Variants in FBXO32 observed in about 807,000 individuals in gnomAD.
FBXO32 encodes the protein F-box only protein 32.
FBXO32 carries 15 observed loss-of-function variants against 48.3 expected under a neutral mutation model. That is an observed-to-expected ratio of 0.31 (90% confidence interval 0.21 to 0.48). FBXO32 has a LOEUF of 0.48. Ranked by LOEUF, FBXO32 falls within the 20% of genes least tolerant of loss-of-function variation. The pLI, the probability that FBXO32 is intolerant of heterozygous loss-of-function variation, is 0.99. For missense variants in FBXO32, 309 were observed against 432.7 expected (o/e 0.71, Z 2.54); for synonymous variants, 154 against 165.9 (o/e 0.93, Z 0.55).
At chr8:123,514,848 T>C (rs546983018) in intron 4 of FBXO32, among the ~76,000 whole-genome samples, 2 of 152,376 alleles carry the variant, frequency 1.3e-5, no homozygotes, top group African/African-American at 4.8e-5. Flanking sequence ...TCAATAAACA[T>C]GTCTATTAAT....
chr8:123,531,207 C>T (rs1444029083), intron 4 of FBXO32, among the ~76,000 whole-genome samples: 1 of 151,986 alleles, frequency 6.6e-6, no homozygotes, highest in African/African-American at 2.4e-5. Flanking sequence ...GTCTCAAACT[C>T]CTGACCTCAG....
chr8:123,540,822 A>C lies in FBXO32; in HGVS notation c.116+77T>G. 1 of 1,261,788 alleles carries C rather than the reference A, an allele frequency of 7.9e-7. No homozygotes were observed. The highest frequency in any genetic ancestry group is 1.1e-6 in the Non-Finnish European group (1 of 887,972). The allele number at this position is 1,261,788 out of a possible 1,614,324, so 78.2% of individuals were successfully genotyped here. A position where few individuals can be genotyped will look rare whatever the true frequency, so the allele number is the denominator to read the frequency against. ...CCCGCTCCAGCCCTGCCTGCCCCTC[A>C]TTCGCCGTCCCTGCGCCCCCCAGAC... is the stretch of plus-strand genomic sequence containing the variant. On this transcript the variant is annotated intron_variant, in intron 1 of 8. Coordinates refer to ENST00000517956, the MANE Select transcript of FBXO32 (RefSeq NM_058229.4). This position sits in a 1 kb window ranked among gnomAD's most constrained non-coding sequence, Gnocchi z 6.4.
intron 6 of FBXO32, among the ~76,000 whole-genome samples, chr8:123,507,718 G>T (rs1563919780): frequency 6.6e-6 from 1 of 151,884 alleles, no homozygotes; most frequent in African/African-American, 2.4e-5. Context: ...ACCCTGCCCA[G>T]ATCTACATCC....
rs369906570 is a variant in FBXO32 at position 123,504,640 on chromosome 8, A to T, written c.942T>A (p.Leu314=). 1.2e-5 allele frequency: 19 copies of T among 1,613,864 alleles called. No homozygotes were observed. The highest frequency in any genetic ancestry group is 1.4e-5 in the Non-Finnish European group (17 of 1,179,962). The change falls in exon 8 of 9, where the codon CTT becomes CTA. Residue 314 remains leucine, a synonymous_variant. Transcript: ENST00000517956. The part of the protein sequence containing the change: ...YPRKEQYGDT[L]QLCKHCHILS... ...GGATGTGACAGTGTTTGCAGAGCTG[A>T]AGGGTATCTCCATACTGCTCTTTCC... is the stretch of plus-strand genomic sequence containing the variant.
chr8:123,527,462 C>G (rs749451431), intron 4 of FBXO32, among the ~76,000 whole-genome samples: 2 of 152,078 alleles, frequency 1.3e-5, no homozygotes, highest in African/African-American at 4.8e-5. Context: ...CACTAAGGAC[C>G]AGGGGAACGG....
chr8:123,533,330 AGTTTTG>A lies in FBXO32; in HGVS notation c.230-96_230-91del. The A allele has an allele frequency of 7.0e-6, 8 of 1,139,064 alleles. No homozygotes were observed. The Admixed American group carries it at 1.3e-4, about 18-fold the overall frequency. The allele number at this position is 1,139,064 out of a possible 1,614,324, so 70.6% of individuals were successfully genotyped here. On this transcript the variant is annotated intron_variant, in intron 2 of 8. Transcript: ENST00000517956. ...ATTTCATTTATTCCAAAGTTTTAAA[AGTTTTG>A]ACAAAAAAGATAAGGAGTCTACTGA...
At position 123,506,650 on chromosome 8, in the gene FBXO32, A is replaced by G; in HGVS notation, c.652-76T>C. 4 of 1,306,942 alleles carry G rather than the reference A, an allele frequency of 3.1e-6. No individual in the cohort carries two copies. The highest frequency in any genetic ancestry group is 3.2e-6 in the Non-Finnish European group (3 of 942,312). The allele number at this position is 1,306,942 out of a possible 1,614,324, so 81.0% of individuals were successfully genotyped here. A position where few individuals can be genotyped will look rare whatever the true frequency, so the allele number is the denominator to read the frequency against. The stretch of plus-strand genomic sequence containing the variant: ...ACCAGGCCACACCCTCCAGGCATGC[A>G]GCTGTGCCCGTCCTCCACCCTCAAG... On this transcript the variant is annotated intron_variant, in intron 6 of 8. Coordinates refer to ENST00000517956, the MANE Select transcript of FBXO32 (RefSeq NM_058229.4). This position sits in a 1 kb window ranked among gnomAD's most constrained non-coding sequence, Gnocchi z 4.0.
intron 4 of FBXO32, among the ~76,000 whole-genome samples, chr8:123,519,316 G>C (rs889315710): frequency 6.6e-6 from 1 of 152,150 alleles, no homozygotes; most frequent in African/African-American, 2.4e-5. Flanking sequence ...CACTTGGGGA[G>C]ACTGAGGCAG....
chr8:123,512,952 A>G (rs2385270), intron 6 of FBXO32, among the ~76,000 whole-genome samples: 14,182 of 152,220 alleles, frequency 0.093, 902 homozygotes, highest in Admixed American at 0.21. Flanking sequence ...CCAAGTTTCC[A>G]GCTTTCCCAT....
In FBXO32 at chr8:123,498,814, C is replaced by A. The variant is rs879390878; in HGVS notation, c.*4559G>T. 6.6e-6 allele frequency: 1 copy of A among 152,150 alleles called. No homozygotes were observed. Among genetic ancestry groups the A allele is most frequent in the Non-Finnish European group, 1.5e-5 (1 of 68,028 alleles). The allele number at this position is 152,150 out of a possible 1,614,324, so 9.4% of individuals were successfully genotyped here. A position where few individuals can be genotyped will look rare whatever the true frequency, so the allele number is the denominator to read the frequency against. On this transcript the variant is annotated 3_prime_UTR_variant, in exon 9 of 9. Transcript: ENST00000517956. ...TAAAATTGTCAAAATATGCTGCTTT[C>A]TTTATAGCAAGCAGGTTGTACTCAC...
At chr8:123,527,009 T>A (rs888286782) in intron 4 of FBXO32, 11 of 152,218 alleles carry the variant, frequency 7.2e-5, no homozygotes, top group Non-Finnish European at 1.5e-4. Flanking sequence ...TGTGTTCCAA[T>A]AAAACTTTAT....
At chr8:123,521,213 C>G in intron 4 of FBXO32, among the ~76,000 whole-genome samples, 1 of 151,844 alleles carries the variant, frequency 6.6e-6, no homozygotes, top group Non-Finnish European at 1.5e-5. Context: ...GTTTCCCACT[C>G]TACCCCCAGC....
intron 6 of FBXO32, among the ~76,000 whole-genome samples, chr8:123,510,482 G>A (rs1294855487): frequency 2.6e-5 from 4 of 152,110 alleles, no homozygotes; most frequent in Admixed American, 2.6e-4. Flanking sequence ...GTGTGGTGGT[G>A]CATGCCTGTA....
chr8:123,504,051 A>G (rs1419925521), intron 8 of FBXO32, among the ~76,000 whole-genome samples: 3 of 150,788 alleles, frequency 2.0e-5, no homozygotes, highest in Non-Finnish European at 3.0e-5. Flanking sequence ...CTGCACTCCA[A>G]CCTGGGTGAC....
chr8:123,537,643 G>C (rs949521428), intron 1 of FBXO32, among the ~76,000 whole-genome samples: 4 of 152,106 alleles, frequency 2.6e-5, no homozygotes, highest in African/African-American at 4.8e-5. Flanking sequence ...ATTTACTGAC[G>C]CATTTCTAGA....
chr8:123,533,040 G>T, intron 3 of FBXO32, 151 bp downstream of exon 3: 1 of 618,922 alleles, frequency 1.6e-6, no homozygotes, highest in East Asian at 2.8e-5. Flanking sequence ...AACTCTGATG[G>T]TTGGCTAAAT....
At chr8:123,529,524 T>G (rs10101794) in intron 4 of FBXO32, among the ~76,000 whole-genome samples, 1 of 151,912 alleles carries the variant, frequency 6.6e-6, no homozygotes, top group Non-Finnish European at 1.5e-5. Flanking sequence ...GAGGAAACCA[T>G]GTCTTAGGGA....
chr8:123,526,316 C>T (rs1817075545), intron 4 of FBXO32, among the ~76,000 whole-genome samples: 1 of 151,984 alleles, frequency 6.6e-6, no homozygotes, highest in East Asian at 1.9e-4. Context: ...ACCTTTGCCT[C>T]CCGGGTTCAA....
rs941743513 is a variant in FBXO32, at chr8:123,501,450, C to G, written c.*1923G>C. The G allele has an allele frequency of 6.6e-6, 1 of 151,708 alleles. No homozygotes were observed. Among genetic ancestry groups the G allele is most frequent in the Non-Finnish European group, 1.5e-5 (1 of 67,980 alleles). The allele number at this position is 151,708 out of a possible 1,614,324, so 9.4% of individuals were successfully genotyped here. ...CCTTCCAAAGCTCAATCTTACCCAA[C>G]AAAATCCTATTCTTTCATATTTAAT... On this transcript the variant is annotated 3_prime_UTR_variant, in exon 9 of 9. Coordinates refer to ENST00000517956, the MANE Select transcript of FBXO32 (RefSeq NM_058229.4).
Sources: allele counts gnomAD v4.1 joint callset (sites outside exome capture counted in the v4.1 genomes callset), GRCh38; gene constraint gnomAD v4.1.1; non-coding constraint Gnocchi (gnomAD v3.1); transcripts MANE v1.5; gene names NCBI Gene and HGNC (gene_info 2026-07-23, HGNC 2026-07-21).